WIF1: variants seen among roughly 807,000 people sequenced by gnomAD.
WIF1 encodes Wnt inhibitory factor 1.
WIF1 carries 35 observed loss-of-function variants against 53.5 expected under a neutral mutation model. That is an observed-to-expected ratio of 0.65 (90% CI 0.50 to 0.87). The LOEUF is 0.87. Ranked by LOEUF, WIF1 falls within the 40% of genes least tolerant of loss-of-function variation. WIF1 has a pLI of 0.00. For synonymous variants in WIF1, 171 were observed against 170.4 expected (o/e 1.00, Z -0.03); for missense variants, 467 against 476.8 (o/e 0.98, Z 0.19).
At chr12:65,071,394 C>T (rs1023643556) in intron 3 of WIF1, among the ~76,000 whole-genome samples, 4 of 151,922 alleles carry the variant, frequency 2.6e-5, no homozygotes, top group Admixed American at 2.0e-4. Flanking sequence ...AGCGAGGTTG[C>T]AAAATCTAAT....
chr12:65,098,210 T>G (rs1226401402), intron 2 of WIF1, among the ~76,000 whole-genome samples: 2 of 152,196 alleles, frequency 1.3e-5, no homozygotes, highest in Non-Finnish European at 2.9e-5. Flanking sequence ...TTTAAACATA[T>G]ATATTATCTG....
chr12:65,100,901 TA>T (rs903912612), intron 2 of WIF1, among the ~76,000 whole-genome samples: 1 of 150,902 alleles, frequency 6.6e-6, no homozygotes, highest in Middle Eastern at 3.4e-3. Context: ...TGTAGCCACT[TA>T]AAAAAAAACC....
At chr12:65,076,672 A>G (rs1882865997) in intron 3 of WIF1, among the ~76,000 whole-genome samples, 1 of 152,150 alleles carries the variant, frequency 6.6e-6, no homozygotes, top group South Asian at 2.1e-4. Context: ...CACAGTGAAC[A>G]AAAAAATAGG....
At chr12:65,120,640 A>G (rs1315077702) in intron 1 of WIF1, 84 bp from the exon 2 acceptor site, 1 of 1,485,604 alleles carries the variant, frequency 6.7e-7, no homozygotes, top group Non-Finnish European at 9.1e-7. Context: ...AGAAAACCAA[A>G]GAATTAGTGT....
chr12:65,120,368 C>A (rs754782969), intron 2 of WIF1, 49 bp downstream of exon 2: 2 of 1,581,850 alleles, frequency 1.3e-6, no homozygotes, highest in East Asian at 4.5e-5. Context: ...CTATTTCCAC[C>A]TGCCATAAGG....
At chr12:65,114,353 T>A (rs1883478125) in intron 2 of WIF1, among the ~76,000 whole-genome samples, 1 of 152,154 alleles carries the variant, frequency 6.6e-6, no homozygotes, top group South Asian at 2.1e-4. Flanking sequence ...GATGATTCTG[T>A]TTTTTATAAA....
intron 7 of WIF1, among the ~76,000 whole-genome samples, chr12:65,056,587 AC>A (rs1185698098): frequency 4.0e-5 from 6 of 151,802 alleles, no homozygotes; most frequent in African/African-American, 1.4e-4. Context: ...GCTAAGATAT[AC>A]TTTACTAAAA....
chr12:65,053,740 A>T (rs1882479320), intron 9 of WIF1, among the ~76,000 whole-genome samples: 1 of 152,180 alleles, frequency 6.6e-6, no homozygotes, highest in African/African-American at 2.4e-5. Context: ...ATGTATAACT[A>T]CATATACACT....
chr12:65,077,631 G>A (rs910972436), intron 3 of WIF1, 115 bp downstream of exon 3: 4 of 739,470 alleles, frequency 5.4e-6, no homozygotes. Context: ...AAAATCAACA[G>A]ATGTCTTCAG....
chr12:65,060,303 A>C (rs913972258), intron 7 of WIF1, among the ~76,000 whole-genome samples: 4 of 152,248 alleles, frequency 2.6e-5, no homozygotes, highest in Non-Finnish European at 5.9e-5. Flanking sequence ...CAAATGTCCA[A>C]CAGCTGATAA....
intron 9 of WIF1, among the ~76,000 whole-genome samples, chr12:65,053,199 G>A (rs1848191493): frequency 1.3e-5 from 2 of 152,188 alleles, no homozygotes; most frequent in Non-Finnish European, 2.9e-5. Flanking sequence ...CACTGTGTGA[G>A]AAGCAATTTT....
At chr12:65,078,299 G>A (rs567058237) in intron 2 of WIF1, among the ~76,000 whole-genome samples, 41 of 152,174 alleles carry the variant, frequency 2.7e-4, no homozygotes, top group Non-Finnish European at 4.9e-4. Flanking sequence ...GGTCTGTCTC[G>A]AACTTCTGAC....
At chr12:65,066,879 C>T (rs1325942904) in intron 5 of WIF1, 143 bp from the exon 6 acceptor site, 3 of 452,098 alleles carry the variant, frequency 6.6e-6, no homozygotes, top group Non-Finnish European at 1.1e-5. Context: ...TACAAGTTTG[C>T]TATATTAATA....
intron 2 of WIF1, among the ~76,000 whole-genome samples, chr12:65,102,707 C>A (rs975674638): frequency 1.3e-5 from 2 of 152,086 alleles, no homozygotes; most frequent in Non-Finnish European, 2.9e-5. Flanking sequence ...GGCAAGGTCC[C>A]CAGGGTGTGA....
At chr12:65,120,666 A>G in intron 1 of WIF1, 110 bp from the exon 2 acceptor site, 1 of 1,289,668 alleles carries the variant, frequency 7.8e-7, no homozygotes, top group South Asian at 1.5e-5. Context: ...ATTTCTGTTC[A>G]CAAGCATCTG....
At chr12:65,073,588 T>C (rs750771974) in intron 3 of WIF1, among the ~76,000 whole-genome samples, 33 of 152,222 alleles carry the variant, frequency 2.2e-4, no homozygotes, top group Non-Finnish European at 4.7e-4. Context: ...TCTTTCTTCA[T>C]GCAATATTTA....
intron 2 of WIF1, among the ~76,000 whole-genome samples, chr12:65,100,857 CAA>C (rs1040324487): frequency 4.6e-5 from 7 of 151,442 alleles, no homozygotes; most frequent in Non-Finnish European, 8.8e-5. Context: ...CCCATCTCTA[CAA>C]AAAAGAAATA....
At chr12:65,058,808 G>A (rs1454594631) in intron 7 of WIF1, among the ~76,000 whole-genome samples, 1 of 152,172 alleles carries the variant, frequency 6.6e-6, no homozygotes, top group African/African-American at 2.4e-5. Flanking sequence ...CCAGCACTTT[G>A]GAAGGCTGAG....
intron 2 of WIF1, among the ~76,000 whole-genome samples, chr12:65,100,852 C>T (rs1883272059): frequency 6.6e-6 from 1 of 151,952 alleles, no homozygotes; most frequent in Admixed American, 6.6e-5. Context: ...GAGATCCCAT[C>T]TCTACAAAAA....
Sources: allele counts gnomAD v4.1 joint callset (sites outside exome capture counted in the v4.1 genomes callset), GRCh38; gene constraint gnomAD v4.1.1; transcripts MANE v1.5; gene names NCBI Gene and HGNC (gene_info 2026-07-23, HGNC 2026-07-21).